NTRK3: variants seen among roughly 807,000 people sequenced by gnomAD.
The protein encoded by NTRK3 is neurotrophic receptor tyrosine kinase 3.
In NTRK3, 24 loss-of-function variants were observed where a neutral mutation model predicts 91.7. The observed-to-expected ratio is 0.26, with a 90% CI of 0.19 to 0.37. The LOEUF (loss-of-function observed/expected upper bound fraction) is 0.37, where lower values mean the gene tolerates loss of function less well. Among genes scored for constraint, NTRK3 ranks in the 10% least tolerant of loss-of-function variants. NTRK3 has a pLI of 1.00. For missense variants in NTRK3, 880 were observed against 1,068.9 expected, an observed-to-expected ratio of 0.82 and a Z score of 2.46; for synonymous variants, 483 against 404.0, an observed-to-expected ratio of 1.20 and a Z score of -2.34.
chr15:88,176,168 C>T (rs1306906702), intron 5 of NTRK3, among the ~76,000 whole-genome samples: 2 of 123,286 alleles, frequency 1.6e-5, no homozygotes, highest in East Asian at 4.7e-4. Flanking sequence ...GACAGAGTCT[C>T]ACTCTGTCAC....
intron 3 of NTRK3, chr15:88,253,359 A>G (rs911940027): frequency 1.4e-4 from 22 of 152,216 alleles, no homozygotes; most frequent in African/African-American, 5.3e-4. Context: ...CCTGCTCCAT[A>G]TGCAGCCCCA....
At chr15:88,133,341 T>A (rs1291483997) in intron 10 of NTRK3, among the ~76,000 whole-genome samples, 14 of 152,072 alleles carry the variant, frequency 9.2e-5, no homozygotes, top group Admixed American at 7.9e-4. Context: ...AGAAGCTGTA[T>A]CCACCACATC....
chr15:88,079,025 G>A (rs1464795776), intron 13 of NTRK3, among the ~76,000 whole-genome samples: 1 of 152,186 alleles, frequency 6.6e-6, no homozygotes, highest in Admixed American at 6.5e-5. Context: ...GGGTAGAGAT[G>A]GGAGTGCAGG....
At position 88,233,911 on chromosome 15, in the gene NTRK3, AAATGTT is replaced by A. The variant is rs1157913057; in HGVS notation, c.248+21989_248+21994del. On this transcript the variant is annotated intron_variant, in intron 3 of 18. Coordinates refer to ENST00000394480, the Ensembl canonical transcript of NTRK3. The surrounding 1 kb of genome is among the most constrained non-coding windows in gnomAD (Gnocchi z 4.2). ...CATTAAATAAGTGAGAACTGTTGGT[AAATGTT>A]GAGTCCCACTAGACATGCGTTGTTT... Among the ~76,000 whole-genome samples, 1 of 152,226 alleles carries A rather than the reference AAATGTT, an allele frequency of 6.6e-6. No individual in the cohort carries two copies. Among genetic ancestry groups the A allele is most frequent in the African/African-American group, 2.4e-5 (1 of 41,444 alleles).
intron 17 of NTRK3, among the ~76,000 whole-genome samples, chr15:87,894,829 C>A (rs2066028760): frequency 6.6e-6 from 1 of 152,174 alleles, no homozygotes; most frequent in Admixed American, 6.5e-5. Context: ...TCCTCCCCTG[C>A]TCTACTCTCT....
At chr15:88,029,399 A>T (rs1440975956) in intron 14 of NTRK3, among the ~76,000 whole-genome samples, 3 of 152,230 alleles carry the variant, frequency 2.0e-5, no homozygotes, top group African/African-American at 7.2e-5. Context: ...TTGAAAGCAG[A>T]TAGAAAGTGA....
chr15:87,884,341 AT>A lies in NTRK3; in HGVS notation c.2134-3914del, dbSNP rs554606607. Among the ~76,000 whole-genome samples, 827 of 151,760 alleles carry A rather than the reference AT, an allele frequency of 5.4e-3. 4 individuals carry two copies. Among genetic ancestry groups the A allele is most frequent in the Non-Finnish European group, 9.5e-3 (640 of 67,620 alleles). On this transcript the variant is annotated intron_variant, in intron 17 of 18. Transcript: ENST00000394480. Reference sequence around the variant, plus strand: ...TACAAAAACCATAATTGTAAAAAAAATCTATACATTAAAAAACTAGAAGGTT... The same window carrying A: ...TACAAAAACCATAATTGTAAAAAAAACTATACATTAAAAAACTAGAAGGTT...
intron 3 of NTRK3, 47 bp from the exon 4 acceptor site, chr15:88,184,346 T>C (rs1467427016): frequency 1.9e-6 from 3 of 1,586,562 alleles, no homozygotes; most frequent in Non-Finnish European, 2.6e-6. Flanking sequence ...GCAACAGAAA[T>C]GGGGCTGGCT....
intron 14 of NTRK3, among the ~76,000 whole-genome samples, chr15:87,991,336 G>A (rs1027212691): frequency 3.3e-5 from 5 of 152,124 alleles, no homozygotes; most frequent in East Asian, 1.9e-4. Flanking sequence ...AAAACCTACC[G>A]GATTGGGATC....
At chr15:88,096,250 C>T (rs936162732) in intron 13 of NTRK3, among the ~76,000 whole-genome samples, 3 of 152,202 alleles carry the variant, frequency 2.0e-5, no homozygotes, top group Admixed American at 2.0e-4. Context: ...CAGCCCTCTC[C>T]TCCAGGCCTT....
intron 17 of NTRK3, among the ~76,000 whole-genome samples, chr15:87,914,983 T>C (rs1174031335): frequency 6.6e-6 from 1 of 152,138 alleles, no homozygotes; most frequent in African/African-American, 2.4e-5. Context: ...GCGGTGGCTA[T>C]GGTGTTGGTG....
chr15:88,176,709 A>C (rs968034220), intron 5 of NTRK3, among the ~76,000 whole-genome samples: 13 of 152,144 alleles, frequency 8.5e-5, no homozygotes, highest in African/African-American at 3.1e-4. Context: ...AATCACTACC[A>C]ATCACTTGGC....
At chr15:88,187,501 C>G (rs2047038311) in intron 3 of NTRK3, among the ~76,000 whole-genome samples, 1 of 152,072 alleles carries the variant, frequency 6.6e-6, no homozygotes, top group Non-Finnish European at 1.5e-5. Flanking sequence ...AAGGCAGGCT[C>G]TAGAAAATAT....
In NTRK3 at chr15:87,889,392, G is replaced by A. The variant is rs74251167; in HGVS notation, c.2134-8964C>T. On this transcript the variant is annotated intron_variant, in intron 17 of 18. Coordinates refer to ENST00000394480, the Ensembl canonical transcript of NTRK3. ...TAAAACCATGCTCGTTAGTTTATTAGTTCCTTTTTTTTTTTTTTTTTTTTT... is the reference window on the plus strand; with the variant it reads ...TAAAACCATGCTCGTTAGTTTATTAATTCCTTTTTTTTTTTTTTTTTTTTT... 4.6e-3 allele frequency among the ~76,000 whole-genome samples: 601 copies of A among 129,816 alleles called. 9 individuals are homozygous for A. Among genetic ancestry groups the A allele is most frequent in the East Asian group, 0.027 (118 of 4,404 alleles). 85.2% of individuals were successfully genotyped at this position (129,816 alleles called of 152,430 possible). A position where few individuals can be genotyped will look rare whatever the true frequency, so the allele number is the denominator to read the frequency against.
At chr15:88,087,530 G>A (rs1308259424) in intron 13 of NTRK3, among the ~76,000 whole-genome samples, 1 of 152,208 alleles carries the variant, frequency 6.6e-6, no homozygotes, top group African/African-American at 2.4e-5. Context: ...GAGAGTGTAG[G>A]CAGGAACATT....
intron 3 of NTRK3, among the ~76,000 whole-genome samples, chr15:88,199,429 A>C (rs1389678479): frequency 6.6e-6 from 1 of 152,150 alleles, no homozygotes; most frequent in African/African-American, 2.4e-5. Flanking sequence ...CCTGGCTCCT[A>C]AAAAGCCCTA....
In NTRK3 at chr15:88,235,845, C is replaced by T. The variant is rs1449192100; in HGVS notation, c.248+20061G>A. Among the ~76,000 whole-genome samples the T allele has an allele frequency of 6.6e-6, 1 of 152,230 alleles. No individual in the cohort carries two copies. The highest frequency in any genetic ancestry group is 2.4e-5 in the African/African-American group (1 of 41,454). ...GGCTTTGAGTCAAACAGGATCCCAGCTCTGCCACCTACCAGTTGGATGACC... is the reference window on the plus strand; with the variant it reads ...GGCTTTGAGTCAAACAGGATCCCAGTTCTGCCACCTACCAGTTGGATGACC... On this transcript the variant is annotated intron_variant, in intron 3 of 18. Transcript: ENST00000394480. This position sits in a 1 kb window ranked among gnomAD's most constrained non-coding sequence, Gnocchi z 5.2.
chr15:88,189,231 A>T (rs1459717204), intron 3 of NTRK3, among the ~76,000 whole-genome samples: 1 of 152,142 alleles, frequency 6.6e-6, no homozygotes. Context: ...AATTCTAAAA[A>T]ATCAGTCTGA....
chr15:88,033,988 G>A (rs2078841525), intron 13 of NTRK3, among the ~76,000 whole-genome samples: 1 of 152,096 alleles, frequency 6.6e-6, no homozygotes, highest in Non-Finnish European at 1.5e-5. Flanking sequence ...CTGGACATCA[G>A]ATTGTGAGAG....
Sources: allele counts gnomAD v4.1 joint callset (sites outside exome capture counted in the v4.1 genomes callset), GRCh38; gene constraint gnomAD v4.1.1; non-coding constraint Gnocchi (gnomAD v3.1); transcripts MANE v1.5; gene names NCBI Gene and HGNC (gene_info 2026-07-23, HGNC 2026-07-21).